Variants in KLHL29 observed in about 807,000 individuals in gnomAD.
The protein encoded by KLHL29 is kelch like family member 29, also known as kelch-like protein 29.
Under a neutral mutation model 80.4 loss-of-function variants are expected in KLHL29, and 21 were observed. That is an observed-to-expected ratio of 0.26 (90% CI 0.19 to 0.38). The LOEUF (loss-of-function observed/expected upper bound fraction) is 0.38. Ranked by LOEUF, KLHL29 falls within the 10% of genes least tolerant of loss-of-function variation. KLHL29 has a pLI of 1.00. For missense variants in KLHL29, 867 were observed against 1,223.9 expected (o/e 0.71, Z 4.35); for synonymous variants, 511 against 526.8 (o/e 0.97, Z 0.41).
chr2:23,690,706 G>A (rs1296386748), intron 6 of KLHL29: 1 of 152,238 alleles, frequency 6.6e-6, no homozygotes, highest in African/African-American at 2.4e-5. Flanking sequence ...CGCGGCAGGT[G>A]TTTTTACTCC....
chr2:23,484,324 C>T (rs1208997211), intron 2 of KLHL29, among the ~76,000 whole-genome samples: 2 of 152,344 alleles, frequency 1.3e-5, no homozygotes, highest in South Asian at 4.1e-4. Context: ...GGAAGACAGA[C>T]GTAGCCTAGC....
intron 2 of KLHL29, among the ~76,000 whole-genome samples, chr2:23,475,941 G>A (rs1232313491): frequency 6.6e-6 from 1 of 152,156 alleles, no homozygotes; most frequent in Non-Finnish European, 1.5e-5. Context: ...GCGCAGTGGC[G>A]CAATCTTGGC....
At position 23,562,214 on chromosome 2, in the gene KLHL29, C is replaced by T; in HGVS notation, c.18C>T (p.Ser6=). Residue 6 remains serine (S), a synonymous_variant, in exon 3 of 14, where the codon AGC becomes AGT. Transcript: ENST00000486442. This position sits in a 1 kb window ranked among gnomAD's most constrained non-coding sequence, Gnocchi z 4.5. The part of the protein sequence containing the change: MSRHH[S]RFERDYRVGW... Reference sequence around the variant, plus strand: ...CCACCGAGATGTCCCGGCACCATAGCCGCTTCGAAAGAGATTACCGGGTGG... The same window carrying T: ...CCACCGAGATGTCCCGGCACCATAGTCGCTTCGAAAGAGATTACCGGGTGG... The T allele has an allele frequency of 6.4e-7, 1 of 1,550,690 alleles. No homozygotes were observed. The highest frequency in any genetic ancestry group is 8.7e-7 in the Non-Finnish European group (1 of 1,146,958).
chr2:23,510,304 G>A (rs757604525), intron 2 of KLHL29, among the ~76,000 whole-genome samples: 3 of 152,182 alleles, frequency 2.0e-5, no homozygotes, highest in Non-Finnish European at 2.9e-5. Context: ...CACCAGGGCC[G>A]CTGAGGTTTG....
intron 5 of KLHL29, among the ~76,000 whole-genome samples, chr2:23,651,756 T>A (rs1670093856): frequency 6.6e-6 from 1 of 152,158 alleles, no homozygotes. Flanking sequence ...AACATAAAGG[T>A]GCAGGCAGGG....
chr2:23,706,770 CAAG>C lies in KLHL29; in HGVS notation c.*107_*109del. On this transcript the variant is annotated 3_prime_UTR_variant, in exon 14 of 14. Coordinates refer to ENST00000486442, the MANE Select transcript of KLHL29 (RefSeq NM_052920.2). ...CAACAAGAGGCCAACAAAACACAAT[CAAG>C]GAACTCACTGCGCTCAACATGTTGA... 1.4e-6 allele frequency: 1 copy of C among 730,308 alleles called. No individual in the cohort carries two copies. 45.2% of individuals were successfully genotyped at this position (730,308 alleles called of 1,614,324 possible). A position where few individuals can be genotyped will look rare whatever the true frequency, so the allele number is the denominator to read the frequency against.
chr2:23,439,561 G>A (rs368176993), intron 1 of KLHL29, among the ~76,000 whole-genome samples: 3 of 151,768 alleles, frequency 2.0e-5, no homozygotes, highest in African/African-American at 4.8e-5. Context: ...CCTTCATTTC[G>A]TTATGTACCC....
rs571331715 is a variant in KLHL29 at position 23,504,483 on chromosome 2, C to T, written c.-46+28816C>T. Among the ~76,000 whole-genome samples the T allele has an allele frequency of 1.7e-3, 263 of 152,270 alleles. 1 individual carries two copies. The highest frequency in any genetic ancestry group is 6.2e-3 in the African/African-American group (257 of 41,564). On this transcript the variant is annotated intron_variant, in intron 2 of 13. Transcript: ENST00000486442. ...AGGCCTCACCTCTGGGCAGCAAAGGCGGCTGTCTGGAGCCCCGGGGCCTCC... is the reference window on the plus strand; with the variant it reads ...AGGCCTCACCTCTGGGCAGCAAAGGTGGCTGTCTGGAGCCCCGGGGCCTCC...
chr2:23,386,904 C>T (rs527877935), intron 1 of KLHL29, among the ~76,000 whole-genome samples: 89 of 152,154 alleles, frequency 5.8e-4, no homozygotes, highest in Admixed American at 4.0e-3. Context: ...GTGGCGGCCA[C>T]GCGCGAGTCT....
intron 3 of KLHL29, among the ~76,000 whole-genome samples, chr2:23,590,436 T>C (rs1668230344): frequency 6.6e-6 from 1 of 152,202 alleles, no homozygotes; most frequent in Non-Finnish European, 1.5e-5. Flanking sequence ...GATTGTTTCC[T>C]GTAGGTTTTG....
intron 3 of KLHL29, among the ~76,000 whole-genome samples, chr2:23,573,751 A>G (rs1176016950): frequency 1.3e-5 from 2 of 152,186 alleles, no homozygotes; most frequent in Non-Finnish European, 2.9e-5. Context: ...TTTCCTTAAC[A>G]GCCAGGTGGG....
In KLHL29 at chr2:23,562,307, G is replaced by C; in HGVS notation, c.111G>C (p.Ser37=). 1 of 1,545,364 alleles carries C rather than the reference G, an allele frequency of 6.5e-7. No homozygotes were observed. Among genetic ancestry groups the C allele is most frequent in the Non-Finnish European group, 8.7e-7 (1 of 1,143,850 alleles). The change falls in exon 3 of 14, where the codon TCG becomes TCC. Residue 37 remains serine, a synonymous_variant. Coordinates refer to ENST00000486442, the MANE Select transcript of KLHL29 (RefSeq NM_052920.2). The surrounding 1 kb of genome is among the most constrained non-coding windows in gnomAD (Gnocchi z 4.5). ...HGTTSICSVT[S]GAGGGTASSL... ...CCACCAGCATCTGCAGTGTCACCTC[G>C]GGGGCCGGTGGCGGCACAGCCAGCA...
At chr2:23,401,606 G>A (rs1259988198) in intron 1 of KLHL29, among the ~76,000 whole-genome samples, 1 of 152,226 alleles carries the variant, frequency 6.6e-6, no homozygotes, top group Non-Finnish European at 1.5e-5. Flanking sequence ...GCAAGTCAGG[G>A]CCTGACGCGT....
In KLHL29 at chr2:23,462,509, A is replaced by G. The variant is rs1253972040; in HGVS notation, c.-153-13051A>G. On this transcript the variant is annotated intron_variant, in intron 1 of 13. Coordinates refer to ENST00000486442, the MANE Select transcript of KLHL29 (RefSeq NM_052920.2). ...CTCTGATTTCTAGGCTTCTTCCTATAATGATTCCGTGGTAGGACAGAGAAT... is the reference window on the plus strand; with the variant it reads ...CTCTGATTTCTAGGCTTCTTCCTATGATGATTCCGTGGTAGGACAGAGAAT... Among the ~76,000 whole-genome samples, 5 of 152,286 alleles carry G rather than the reference A, an allele frequency of 3.3e-5. No homozygotes were observed. The South Asian group carries it at 6.2e-4, about 19-fold the overall frequency.
intron 3 of KLHL29, among the ~76,000 whole-genome samples, chr2:23,578,385 C>T (rs1332764758): frequency 6.6e-6 from 1 of 152,342 alleles, no homozygotes; most frequent in East Asian, 1.9e-4. Flanking sequence ...TGCTTACCCT[C>T]TCAGAACATT....
chr2:23,538,093 C>T (rs1182224011), intron 2 of KLHL29, among the ~76,000 whole-genome samples: 2 of 152,178 alleles, frequency 1.3e-5, no homozygotes, highest in Non-Finnish European at 2.9e-5. Flanking sequence ...TTTGGGAAAA[C>T]AGACCAGAAG....
chr2:23,433,944 G>T (rs1481370651), intron 1 of KLHL29, among the ~76,000 whole-genome samples: 7 of 151,852 alleles, frequency 4.6e-5, no homozygotes, highest in Admixed American at 1.3e-4. Flanking sequence ...ACAGTTAACT[G>T]TTCAAGATCC....
At chr2:23,462,922 C>A (rs1010944644) in intron 1 of KLHL29, among the ~76,000 whole-genome samples, 10 of 152,050 alleles carry the variant, frequency 6.6e-5, no homozygotes, top group Non-Finnish European at 1.2e-4. Flanking sequence ...ATTGCTTGAG[C>A]CCGGGAGTTC....
At chr2:23,537,417 T>TACACACACACACAC (rs5741924) in intron 2 of KLHL29, among the ~76,000 whole-genome samples, 1 of 149,050 alleles carries the variant, frequency 6.7e-6, no homozygotes, top group Non-Finnish European at 1.5e-5. Flanking sequence ...GGGCAGAAAC[T>TACACACACACACAC]ACACACACAC....
Sources: allele counts gnomAD v4.1 joint callset (sites outside exome capture counted in the v4.1 genomes callset), GRCh38; gene constraint gnomAD v4.1.1; non-coding constraint Gnocchi (gnomAD v3.1); transcripts MANE v1.5; gene names NCBI Gene and HGNC (gene_info 2026-07-23, HGNC 2026-07-21).